Variants in PRKN observed in about 807,000 individuals in gnomAD.
PRKN encodes the protein E3 ubiquitin-protein ligase parkin.
In PRKN, 56 loss-of-function variants were observed where a neutral mutation model predicts 59.5. The observed-to-expected ratio is 0.94, with a 90% CI of 0.76 to 1.18. The LOEUF (loss-of-function observed/expected upper bound fraction) is 1.18. PRKN is among the 50% of genes most tolerant of loss of function. PRKN has a pLI of 0.00. For missense variants in PRKN, 657 were observed against 596.4 expected (o/e 1.10, Z -1.06); for synonymous variants, 250 against 222.1 (o/e 1.13, Z -1.12).
Position 162,380,505 on chromosome 6 carries a change from GTGTGTATATATATATA to G in PRKN, c.171+62789_171+62804del, listed in dbSNP as rs1562716705. 1.9e-4 allele frequency among the ~76,000 whole-genome samples: 6 copies of G among 32,108 alleles called. 1 individual carries two copies. Among genetic ancestry groups the G allele is most frequent in the Non-Finnish European group, 3.0e-4 (5 of 16,638 alleles). The allele number at this position is 32,108 out of a possible 152,430, so 21.1% of individuals were successfully genotyped here. ...TATGTATATATACACACATATATAT[GTGTGTATATATATATA>G]TATGTATATATACATATATATATGT... On this transcript the variant is annotated intron_variant, in intron 2 of 11. Transcript: ENST00000366898.
chr6:162,382,464 C>A (rs981894010), intron 2 of PRKN, among the ~76,000 whole-genome samples: 5 of 152,126 alleles, frequency 3.3e-5, no homozygotes, highest in African/African-American at 1.2e-4. Context: ...TTATACAATG[C>A]TGTAGTCTAT....
chr6:162,159,370 A>C (rs1039556212), intron 4 of PRKN, among the ~76,000 whole-genome samples: 1 of 152,342 alleles, frequency 6.6e-6, no homozygotes, highest in East Asian at 1.9e-4. Context: ...TTTAAAAATA[A>C]CATTTGCAAT....
intron 1 of PRKN, among the ~76,000 whole-genome samples, chr6:162,688,868 T>A (rs981378368): frequency 6.6e-6 from 1 of 152,214 alleles, no homozygotes; most frequent in East Asian, 1.9e-4. Context: ...TTTTACTTTT[T>A]TCCCCCCAGT....
At chr6:162,053,445 T>C (rs1035282767) in intron 5 of PRKN, among the ~76,000 whole-genome samples, 1 of 152,178 alleles carries the variant, frequency 6.6e-6, no homozygotes, top group African/African-American at 2.4e-5. Context: ...AATATACATG[T>C]GAAGCATGAC....
intron 1 of PRKN, among the ~76,000 whole-genome samples, chr6:162,556,342 G>GGGGGGTGTGTGTGT (rs1175202893): frequency 2.3e-4 from 13 of 57,306 alleles, no homozygotes; most frequent in Non-Finnish European, 3.6e-4. Context: ...CTACTCAGCT[G>GGGGGGTGTGTGTGT]GTGTGTGTGT....
intron 7 of PRKN, among the ~76,000 whole-genome samples, chr6:161,691,799 G>A (rs1243786362): frequency 6.6e-6 from 1 of 152,218 alleles, no homozygotes; most frequent in African/African-American, 2.4e-5. Flanking sequence ...TTCATCCACA[G>A]CAGACAGCAA....
chr6:161,716,655 C>T (rs1268760012), intron 7 of PRKN, among the ~76,000 whole-genome samples: 1 of 152,184 alleles, frequency 6.6e-6, no homozygotes, highest in Non-Finnish European at 1.5e-5. Flanking sequence ...AAGATATTTT[C>T]ACTGAGGTTG....
At chr6:162,352,460 C>A (rs907739933) in intron 2 of PRKN, among the ~76,000 whole-genome samples, 1 of 152,104 alleles carries the variant, frequency 6.6e-6, no homozygotes, top group Non-Finnish European at 1.5e-5. Flanking sequence ...ATCCAAAGCG[C>A]TGTTTTAGAA....
At chr6:161,980,066 G>A (rs1781204270) in intron 5 of PRKN, among the ~76,000 whole-genome samples, 2 of 152,212 alleles carry the variant, frequency 1.3e-5, no homozygotes, top group Admixed American at 6.5e-5. Context: ...ATGACAACTG[G>A]CTTGAAAGCC....
At chr6:161,728,795 A>G (rs1448744674) in intron 7 of PRKN, among the ~76,000 whole-genome samples, 1 of 152,174 alleles carries the variant, frequency 6.6e-6, no homozygotes, top group Non-Finnish European at 1.5e-5. Context: ...TCCCAGCTCC[A>G]CTATTCTTCA....
chr6:161,714,254 G>A (rs1285701253), intron 7 of PRKN, among the ~76,000 whole-genome samples: 1 of 152,102 alleles, frequency 6.6e-6, no homozygotes, highest in Non-Finnish European at 1.5e-5. Flanking sequence ...GCTTAGAAGG[G>A]AGTGCTATGG....
intron 1 of PRKN, among the ~76,000 whole-genome samples, chr6:162,574,294 G>A (rs567938704): frequency 2.0e-5 from 3 of 152,184 alleles, no homozygotes; most frequent in Non-Finnish European, 4.4e-5. Flanking sequence ...GAGGGACGTG[G>A]AGTCTATTTT....
At chr6:161,874,422 T>A (rs1281504619) in intron 6 of PRKN, among the ~76,000 whole-genome samples, 1 of 94,302 alleles carries the variant, frequency 1.1e-5, no homozygotes, top group Admixed American at 1.8e-4. Flanking sequence ...AAAATATATA[T>A]TATATGTAAA....
intron 3 of PRKN, among the ~76,000 whole-genome samples, chr6:162,211,998 CTG>C (rs1785218827): frequency 6.6e-6 from 1 of 152,088 alleles, no homozygotes; most frequent in African/African-American, 2.4e-5. Context: ...TTAATCAAGA[CTG>C]ATAAGACTAT....
intron 2 of PRKN, among the ~76,000 whole-genome samples, chr6:162,311,481 C>CTTT (rs397886856): frequency 2.3e-4 from 29 of 128,528 alleles, no homozygotes; most frequent in East Asian, 4.9e-4. Context: ...AATTTTTTTC[C>CTTT]TTTTTTTTTT....
chr6:162,040,555 C>G (rs899602962), intron 5 of PRKN, among the ~76,000 whole-genome samples: 3 of 150,656 alleles, frequency 2.0e-5, no homozygotes, highest in Admixed American at 6.7e-5. Flanking sequence ...TACAGGCGCC[C>G]ACCACCATGC....
intron 3 of PRKN, among the ~76,000 whole-genome samples, chr6:162,219,385 C>T (rs946320282): frequency 6.6e-6 from 1 of 152,128 alleles, no homozygotes; most frequent in Non-Finnish European, 1.5e-5. Context: ...GTAGCTCTTC[C>T]GCTTCCTCTA....
intron 6 of PRKN, among the ~76,000 whole-genome samples, chr6:161,917,967 G>T (rs1396998234): frequency 1.3e-5 from 2 of 152,144 alleles, no homozygotes; most frequent in Non-Finnish European, 2.9e-5. Flanking sequence ...AATTCACTTT[G>T]ATCTATCCTT....
At chr6:161,715,898 AG>A (rs574171218) in intron 7 of PRKN, among the ~76,000 whole-genome samples, 97 of 152,316 alleles carry the variant, frequency 6.4e-4, no homozygotes, top group Non-Finnish European at 9.8e-4. Flanking sequence ...ACTCCACACC[AG>A]CACCATCAGC....
Sources: gnomAD v4.1 joint callset for allele counts (sites outside exome capture counted in the v4.1 genomes callset) on GRCh38, gnomAD v4.1.1 for gene constraint, MANE v1.5 for transcripts, NCBI Gene and HGNC (gene_info 2026-07-23, HGNC 2026-07-21) for gene names.